The following GALNTL6 variants were observed in gnomAD, a reference collection of about 807,000 sequenced individuals.
GALNTL6 encodes the protein polypeptide N-acetylgalactosaminyltransferase like 6.
Under a neutral mutation model 73.7 loss-of-function variants are expected in GALNTL6, and 46 were observed. That is an observed-to-expected ratio of 0.62 (90% confidence interval 0.49 to 0.80). GALNTL6 has a LOEUF of 0.80. Ranked by LOEUF, GALNTL6 falls within the 30% of genes least tolerant of loss-of-function variation. The pLI, the probability that GALNTL6 is intolerant of heterozygous loss-of-function variation, is 0.00. For missense variants in GALNTL6, 604 were observed against 755.0 expected (o/e 0.80, Z 2.34); for synonymous variants, 259 against 263.7 (o/e 0.98, Z 0.17).
At chr4:172,211,130 C>G in intron 2 of GALNTL6, among the ~76,000 whole-genome samples, 1 of 152,056 alleles carries the variant, frequency 6.6e-6, no homozygotes. Context: ...TTGAGCACTT[C>G]CTTGCATTCT....
intron 5 of GALNTL6, among the ~76,000 whole-genome samples, chr4:172,752,169 C>A (rs1405744545): frequency 4.0e-5 from 6 of 151,812 alleles, no homozygotes; most frequent in African/African-American, 1.2e-4. Flanking sequence ...TGTTTAATCA[C>A]CATTTGCTTA....
chr4:172,800,827 C>T (rs888451470), intron 5 of GALNTL6, among the ~76,000 whole-genome samples: 6 of 48,616 alleles, frequency 1.2e-4, no homozygotes, highest in Admixed American at 2.5e-4. Context: ...GTTATGTCAT[C>T]GGAAAAAAAA....
intron 5 of GALNTL6, among the ~76,000 whole-genome samples, chr4:172,499,227 G>GGA (rs947684420): frequency 6.0e-4 from 92 of 152,312 alleles, no homozygotes; most frequent in African/African-American, 1.8e-3. Context: ...GATGGCAACT[G>GGA]GAGGTGGTGC....
intron 5 of GALNTL6, among the ~76,000 whole-genome samples, chr4:172,621,487 C>G (rs2111072169): frequency 6.6e-6 from 1 of 152,312 alleles, no homozygotes; most frequent in African/African-American, 2.4e-5. Flanking sequence ...ATTCTGTTAT[C>G]AACAATTAAT....
intron 7 of GALNTL6, among the ~76,000 whole-genome samples, chr4:172,840,018 G>A (rs2111079579): frequency 6.6e-6 from 1 of 152,270 alleles, no homozygotes; most frequent in Non-Finnish European, 1.5e-5. Flanking sequence ...AGAGGCAAAT[G>A]CTTCAAATAT....
intron 2 of GALNTL6, among the ~76,000 whole-genome samples, chr4:171,868,891 G>A (rs1736051450): frequency 6.6e-6 from 1 of 152,164 alleles, no homozygotes; most frequent in South Asian, 2.1e-4. Context: ...ATGTTGGCCA[G>A]GCTGGTCTCG....
At chr4:172,270,489 G>A (rs895363061) in intron 3 of GALNTL6, among the ~76,000 whole-genome samples, 1 of 152,068 alleles carries the variant, frequency 6.6e-6, no homozygotes, top group Non-Finnish European at 1.5e-5. Flanking sequence ...ATCTTGGCTT[G>A]TTCAATACAC....
At chr4:172,229,925 C>T (rs1736996710) in intron 3 of GALNTL6, among the ~76,000 whole-genome samples, 161 bp downstream of exon 3, 1 of 152,104 alleles carries the variant, frequency 6.6e-6, no homozygotes, top group Non-Finnish European at 1.5e-5. Context: ...CTTCAAATTT[C>T]AGAGAGAAAA....
intron 5 of GALNTL6, among the ~76,000 whole-genome samples, chr4:172,405,482 T>TG (rs1744208528): frequency 2.1e-5 from 3 of 139,788 alleles, no homozygotes; most frequent in Non-Finnish European, 4.6e-5. Flanking sequence ...TGCATTGAAG[T>TG]GAGGTGAGTC....
chr4:172,865,659 T>A (rs2111149297), intron 7 of GALNTL6, among the ~76,000 whole-genome samples: 1 of 152,344 alleles, frequency 6.6e-6, no homozygotes, highest in Non-Finnish European at 1.5e-5. Context: ...AAAAATACTT[T>A]AGCCCATTTT....
At chr4:172,709,130 A>G (rs1298595835) in intron 5 of GALNTL6, among the ~76,000 whole-genome samples, 1 of 152,120 alleles carries the variant, frequency 6.6e-6, no homozygotes, top group East Asian at 1.9e-4. Flanking sequence ...AAAAGAGTTG[A>G]TGATCACATG....
chr4:172,169,367 T>A (rs942811883), intron 2 of GALNTL6, among the ~76,000 whole-genome samples: 1 of 152,228 alleles, frequency 6.6e-6, no homozygotes, highest in Non-Finnish European at 1.5e-5. Flanking sequence ...TTCTAAGGTC[T>A]CTTTCATTTC....
chr4:172,517,276 A>T (rs1220706394), intron 5 of GALNTL6, among the ~76,000 whole-genome samples: 2 of 151,752 alleles, frequency 1.3e-5, no homozygotes, highest in African/African-American at 2.4e-5. Context: ...ATGGCCAGGT[A>T]GTGGCTCACA....
chr4:171,970,921 G>A (rs951475021), intron 2 of GALNTL6, among the ~76,000 whole-genome samples: 5 of 152,144 alleles, frequency 3.3e-5, no homozygotes, highest in African/African-American at 1.2e-4. Context: ...GAAGTTTAGA[G>A]TTAATTCAAT....
At chr4:171,960,142 A>C (rs1307158773) in intron 2 of GALNTL6, among the ~76,000 whole-genome samples, 3 of 152,176 alleles carry the variant, frequency 2.0e-5, no homozygotes, top group Non-Finnish European at 2.9e-5. Context: ...TTTCTAATCT[A>C]TAGCTTCTGT....
chr4:172,145,240 C>T (rs539442565), intron 2 of GALNTL6, among the ~76,000 whole-genome samples: 47 of 152,034 alleles, frequency 3.1e-4, no homozygotes, highest in Middle Eastern at 3.4e-3. Flanking sequence ...CCTGGGTTCA[C>T]GCCATTCTCC....
At chr4:171,901,283 G>C (rs759929244) in intron 2 of GALNTL6, among the ~76,000 whole-genome samples, 2 of 152,252 alleles carry the variant, frequency 1.3e-5, no homozygotes, top group Non-Finnish European at 2.9e-5. Flanking sequence ...ACAACAGAGG[G>C]GGTAAGAAAA....
In GALNTL6 at chr4:172,620,453, A is replaced by T. The variant is rs976350406; in HGVS notation, c.554-188908A>T. Among the ~76,000 whole-genome samples, 3 of 152,292 alleles carry T rather than the reference A, an allele frequency of 2.0e-5. No homozygotes were observed. The South Asian group carries it at 6.2e-4, about 32-fold the overall frequency. ...ATTATTTCATTCTGTTTTGTTCCTG[A>T]TTATAAATGTTATTGCTATAGTGCT... is the stretch of plus-strand genomic sequence containing the variant. On this transcript the variant is annotated intron_variant, in intron 5 of 12. Transcript: ENST00000506823.
At chr4:171,877,816 TA>T (rs1295320869) in intron 2 of GALNTL6, among the ~76,000 whole-genome samples, 2 of 152,154 alleles carry the variant, frequency 1.3e-5, no homozygotes, top group Non-Finnish European at 2.9e-5. Context: ...AAATAATGAT[TA>T]AAAACCAAGT....
Sources: allele counts gnomAD v4.1 joint callset (sites outside exome capture counted in the v4.1 genomes callset), GRCh38; gene constraint gnomAD v4.1.1; transcripts MANE v1.5; gene names NCBI Gene and HGNC (gene_info 2026-07-23, HGNC 2026-07-21).